The following ANO3 variants were observed in gnomAD, a reference collection of about 807,000 sequenced individuals.
ANO3 encodes anoctamin 3.
ANO3 carries 99 observed loss-of-function variants against 144.8 expected under a neutral mutation model. That is an observed-to-expected ratio of 0.68 (90% CI 0.58 to 0.81). The LOEUF (loss-of-function observed/expected upper bound fraction) is 0.81, where lower values mean the gene tolerates loss of function less well. Among genes scored for constraint, ANO3 ranks in the 30% least tolerant of loss-of-function variants. The pLI is 0.00. For synonymous variants in ANO3, 414 were observed against 392.6 expected (o/e 1.05, Z -0.64); for missense variants, 905 against 1,202.2 (o/e 0.75, Z 3.66).
intron 1 of ANO3, among the ~76,000 whole-genome samples, chr11:26,311,713 A>G (rs1854504495): frequency 6.6e-6 from 1 of 152,176 alleles, no homozygotes; most frequent in Admixed American, 6.5e-5. Context: ...GTAGAGCACC[A>G]ATTATCTCCT....
intron 1 of ANO3, among the ~76,000 whole-genome samples, chr11:26,258,331 C>G (rs553418803): frequency 6.6e-6 from 1 of 152,264 alleles, no homozygotes; most frequent in South Asian, 2.1e-4. Flanking sequence ...ATTCACAACA[C>G]ATTTACTAAG....
intron 1 of ANO3, among the ~76,000 whole-genome samples, chr11:26,419,992 A>G (rs1418598898): frequency 5.9e-5 from 9 of 152,090 alleles, no homozygotes. Flanking sequence ...TTAAAACATA[A>G]TTTCATTAGT....
intron 4 of ANO3, among the ~76,000 whole-genome samples, chr11:26,487,888 C>T (rs1045042578): frequency 7.2e-5 from 11 of 152,164 alleles, no homozygotes; most frequent in African/African-American, 2.7e-4. Flanking sequence ...ACATTTTAGG[C>T]CAAGTGCAGT....
At chr11:26,615,103 CTT>C (rs1402355906) in intron 17 of ANO3, among the ~76,000 whole-genome samples, 1 of 150,320 alleles carries the variant, frequency 6.7e-6, no homozygotes, top group East Asian at 1.9e-4. Context: ...GAAAAAAACT[CTT>C]AGCTTTTAAA....
intron 3 of ANO3, chr11:26,459,970 C>A: frequency 1.0e-5 from 3 of 289,470 alleles, no homozygotes; most frequent in East Asian, 1.1e-4. Flanking sequence ...AATGCATTTC[C>A]AGTTGTGCTG....
intron 23 of ANO3, among the ~76,000 whole-genome samples, chr11:26,645,621 T>A (rs1026620637): frequency 8.2e-4 from 125 of 152,298 alleles, no homozygotes; most frequent in African/African-American, 2.9e-3. Flanking sequence ...ATTATTGCTG[T>A]CCTTTAAATT....
At chr11:26,326,128 A>ATTTAAACATAG (rs1854876311) in intron 1 of ANO3, among the ~76,000 whole-genome samples, 1 of 152,180 alleles carries the variant, frequency 6.6e-6, no homozygotes, top group Non-Finnish European at 1.5e-5. Flanking sequence ...CTATCAAGTA[A>ATTTAAACATAG]TTTAAACATA....
rs10835027 is a variant in ANO3, at chr11:26,624,264, A to G, written c.1837-198A>G. 0.29 allele frequency among the ~76,000 whole-genome samples: 44,268 copies of G among 152,188 alleles called. 6,795 individuals are homozygous for G. The highest frequency in any genetic ancestry group is 0.46 in the South Asian group (2,199 of 4,830). On this transcript the variant is annotated intron_variant, in intron 17 of 26. Transcript: ENST00000256737. The stretch of plus-strand genomic sequence containing the variant: ...CACATATACGTGTACACACATTTAC[A>G]TTCACATATATTATATCAATTTCAT...
chr11:26,206,048 C>T (rs10501041), intron 1 of ANO3, among the ~76,000 whole-genome samples: 45,651 of 151,944 alleles, frequency 0.3, 7,634 homozygotes, highest in Non-Finnish European at 0.37. Context: ...TATGCTATTT[C>T]TGGTTGCAGT....
At chr11:26,385,996 C>T (rs1304062878) in intron 1 of ANO3, among the ~76,000 whole-genome samples, 1 of 151,832 alleles carries the variant, frequency 6.6e-6, no homozygotes, top group Non-Finnish European at 1.5e-5. Context: ...CAAGATCACC[C>T]AGTAGCGACA....
intron 5 of ANO3, 72 bp from the exon 6 acceptor site, chr11:26,516,755 C>A: frequency 1.8e-6 from 2 of 1,088,898 alleles, no homozygotes; most frequent in Non-Finnish European, 1.4e-6. Context: ...TCTTTATTCC[C>A]AAATCAAACT....
At chr11:26,508,857 G>C (rs1861537338) in intron 5 of ANO3, 1 of 151,498 alleles carries the variant, frequency 6.6e-6, no homozygotes, top group Admixed American at 6.6e-5. Context: ...ATTACAGAAA[G>C]AAAAAACCTT....
chr11:26,424,403 A>G (rs1857858963), intron 1 of ANO3, among the ~76,000 whole-genome samples: 1 of 151,988 alleles, frequency 6.6e-6, no homozygotes, highest in South Asian at 2.1e-4. Flanking sequence ...TTTTCACAGC[A>G]TTTCAGACAA....
intron 1 of ANO3, among the ~76,000 whole-genome samples, chr11:26,232,701 C>T (rs1350008973): frequency 6.6e-6 from 1 of 152,104 alleles, no homozygotes; most frequent in Non-Finnish European, 1.5e-5. Flanking sequence ...CTAGGCAATA[C>T]CATTCAGGAC....
At chr11:26,616,751 T>C (rs1852274051) in intron 17 of ANO3, among the ~76,000 whole-genome samples, 1 of 152,134 alleles carries the variant, frequency 6.6e-6, no homozygotes, top group African/African-American at 2.4e-5. Flanking sequence ...CTCAAACATT[T>C]TCTTACAAAA....
chr11:26,347,284 C>T (rs1456589826), intron 1 of ANO3, among the ~76,000 whole-genome samples: 1 of 152,152 alleles, frequency 6.6e-6, no homozygotes, highest in Middle Eastern at 3.2e-3. Flanking sequence ...GAAGTGCCTG[C>T]CACAGAGCTG....
chr11:26,246,629 T>C (rs552782079), intron 1 of ANO3, among the ~76,000 whole-genome samples: 2 of 149,882 alleles, frequency 1.3e-5, no homozygotes, highest in African/African-American at 5.1e-5. Context: ...TGTTACTATA[T>C]TATAATAATT....
chr11:26,542,871 T>TC, intron 11 of ANO3, among the ~76,000 whole-genome samples: 1 of 76,390 alleles, frequency 1.3e-5, no homozygotes, highest in Non-Finnish European at 3.0e-5. Context: ...CCATTTATAT[T>TC]AATATATGTT....
chr11:26,261,327 T>C (rs1334073559), intron 1 of ANO3, among the ~76,000 whole-genome samples: 1 of 152,212 alleles, frequency 6.6e-6, no homozygotes, highest in African/African-American at 2.4e-5. Context: ...TTGTACCCTC[T>C]ATCAAGATGT....
Sources: gnomAD v4.1 joint callset for allele counts (sites outside exome capture counted in the v4.1 genomes callset) on GRCh38, gnomAD v4.1.1 for gene constraint, MANE v1.5 for transcripts, NCBI Gene and HGNC (gene_info 2026-07-23, HGNC 2026-07-21) for gene names.